PEX5L: variants seen among roughly 807,000 people sequenced by gnomAD.
PEX5L encodes peroxisomal biogenesis factor 5 like.
PEX5L carries 30 observed loss-of-function variants against 84.0 expected under a neutral mutation model. The observed-to-expected ratio is 0.36, with a 90% CI of 0.27 to 0.48. PEX5L has a LOEUF of 0.48. Among genes scored for constraint, PEX5L ranks in the 20% least tolerant of loss-of-function variants. The probability of loss-of-function intolerance (pLI) is 0.99; values close to 1 mark genes in which losing one functional copy is unlikely to be tolerated. For missense variants in PEX5L, 533 were observed against 754.6 expected, an observed-to-expected ratio of 0.71 and a Z score of 3.44; for synonymous variants, 270 against 283.1, an observed-to-expected ratio of 0.95 and a Z score of 0.46.
chr3:179,981,542 GC>G (rs376921418), intron 1 of PEX5L, among the ~76,000 whole-genome samples: 9 of 152,134 alleles, frequency 5.9e-5, no homozygotes, highest in African/African-American at 2.2e-4. Flanking sequence ...TTCAACACCA[GC>G]TTCTCTAGGT....
intron 11 of PEX5L, 24 bp from the exon 12 acceptor site, chr3:179,809,692 T>C: frequency 6.4e-7 from 1 of 1,555,746 alleles, no homozygotes; most frequent in Non-Finnish European, 8.7e-7. Flanking sequence ...AGAAGCCAAT[T>C]TCAGATTTTT....
chr3:179,929,297 C>G (rs1772341651), intron 2 of PEX5L, among the ~76,000 whole-genome samples: 1 of 152,062 alleles, frequency 6.6e-6, no homozygotes, highest in Non-Finnish European at 1.5e-5. Context: ...GATGGAAAAT[C>G]TGTGATGGAA....
chr3:179,874,458 C>A (rs775031397), intron 6 of PEX5L, 35 bp from the exon 7 acceptor site: 7 of 1,054,562 alleles, frequency 6.6e-6, no homozygotes, highest in Non-Finnish European at 1.0e-5. Context: ...TAAACGTACA[C>A]TAGAAACAAA....
At chr3:179,816,403 C>T (rs1726104422) in intron 9 of PEX5L, among the ~76,000 whole-genome samples, 1 of 152,182 alleles carries the variant, frequency 6.6e-6, no homozygotes, top group Admixed American at 6.5e-5. Flanking sequence ...GAATACTATA[C>T]AGCCATAAAA....
chr3:179,876,650 G>A (rs78838351), intron 5 of PEX5L, among the ~76,000 whole-genome samples: 1 of 152,190 alleles, frequency 6.6e-6, no homozygotes, highest in African/African-American at 2.4e-5. Flanking sequence ...GCACTGCTGT[G>A]TGACCATCAC....
chr3:179,975,896 A>T (rs1785729671), intron 1 of PEX5L, among the ~76,000 whole-genome samples: 1 of 152,248 alleles, frequency 6.6e-6, no homozygotes, highest in African/African-American at 2.4e-5. Context: ...AATGTGCTGA[A>T]AAGATACTTG....
At chr3:179,975,620 A>T (rs1785682253) in intron 1 of PEX5L, among the ~76,000 whole-genome samples, 1 of 152,242 alleles carries the variant, frequency 6.6e-6, no homozygotes, top group Admixed American at 6.5e-5. Context: ...AATTTATTAA[A>T]GCACATGTCA....
chr3:179,862,656 T>C (rs1577737631), intron 7 of PEX5L, among the ~76,000 whole-genome samples: 1 of 152,124 alleles, frequency 6.6e-6, no homozygotes, highest in Non-Finnish European at 1.5e-5. Flanking sequence ...TGTGGACACA[T>C]GGTAAGAAAT....
intron 1 of PEX5L, among the ~76,000 whole-genome samples, chr3:179,986,642 T>C (rs1199729117): frequency 6.6e-6 from 1 of 152,148 alleles, no homozygotes; most frequent in African/African-American, 2.4e-5. Flanking sequence ...GACCTCGTGA[T>C]CCGCCCGTCT....
intron 1 of PEX5L, among the ~76,000 whole-genome samples, chr3:179,984,377 A>G (rs1054576220): frequency 6.6e-6 from 1 of 151,970 alleles, no homozygotes; most frequent in Admixed American, 6.5e-5. Flanking sequence ...TGAAGTTTTT[A>G]AAAAAATTGT....
chr3:179,818,434 T>C (rs956944003), intron 9 of PEX5L, among the ~76,000 whole-genome samples: 1 of 151,418 alleles, frequency 6.6e-6, no homozygotes, highest in African/African-American at 2.4e-5. Flanking sequence ...ATCCTTTTTT[T>C]GTGTTATAAA....
intron 2 of PEX5L, among the ~76,000 whole-genome samples, chr3:179,899,170 G>A (rs1044912692): frequency 3.3e-5 from 5 of 151,874 alleles, no homozygotes; most frequent in Non-Finnish European, 5.9e-5. Flanking sequence ...CATTTTTTGA[G>A]ACTAGATATG....
intron 2 of PEX5L, among the ~76,000 whole-genome samples, chr3:179,959,387 G>C (rs143486740): frequency 6.6e-6 from 1 of 152,132 alleles, no homozygotes; most frequent in East Asian, 1.9e-4. Context: ...ACTGCAGCAC[G>C]GGCACTGTAA....
At chr3:179,999,846 GC>G (rs1283880740) in intron 1 of PEX5L, among the ~76,000 whole-genome samples, 1 of 152,152 alleles carries the variant, frequency 6.6e-6, no homozygotes, top group South Asian at 2.1e-4. Flanking sequence ...TCCTGAAGCA[GC>G]CGGATTGACA....
chr3:179,975,649 T>C (rs1263704113), intron 1 of PEX5L, among the ~76,000 whole-genome samples: 1 of 152,186 alleles, frequency 6.6e-6, no homozygotes, highest in Non-Finnish European at 1.5e-5. Context: ...ATATAAAATA[T>C]AGCTACAAGA....
intron 1 of PEX5L, among the ~76,000 whole-genome samples, chr3:179,993,304 T>G (rs995380786): frequency 2.0e-5 from 3 of 152,154 alleles, no homozygotes; most frequent in African/African-American, 7.2e-5. Context: ...CCCATTTTCC[T>G]ATTGAGTTTT....
At chr3:179,963,780 A>G (rs1406271711) in intron 2 of PEX5L, among the ~76,000 whole-genome samples, 1 of 152,118 alleles carries the variant, frequency 6.6e-6, no homozygotes, top group Non-Finnish European at 1.5e-5. Context: ...TACTGGGGCC[A>G]GCTCCCACCA....
intron 7 of PEX5L, among the ~76,000 whole-genome samples, chr3:179,868,634 A>G (rs1169650663): frequency 2.6e-5 from 4 of 152,230 alleles, no homozygotes; most frequent in African/African-American, 9.6e-5. Flanking sequence ...CTTTGCCCAG[A>G]TCTAGGAAAG....
chr3:179,989,125 T>C (rs890423084), intron 1 of PEX5L, among the ~76,000 whole-genome samples: 10 of 152,216 alleles, frequency 6.6e-5, no homozygotes, highest in African/African-American at 2.4e-4. Context: ...TCTGAGGCCA[T>C]GGAACAGAGC....
Sources: gnomAD v4.1 joint callset for allele counts (sites outside exome capture counted in the v4.1 genomes callset) on GRCh38, gnomAD v4.1.1 for gene constraint, MANE v1.5 for transcripts, NCBI Gene and HGNC (gene_info 2026-07-23, HGNC 2026-07-21) for gene names.